The following NR3C1 variants were observed in gnomAD, a reference collection of about 807,000 sequenced individuals.
NR3C1 encodes nuclear receptor subfamily 3 group C member 1, also known as glucocorticoid receptor.
Under a neutral mutation model 74.0 loss-of-function variants are expected in NR3C1, and 14 were observed. The ratio of observed to expected loss-of-function variants is 0.19; its 90% CI spans 0.12 to 0.30. The LOEUF (loss-of-function observed/expected upper bound fraction) is 0.30. NR3C1 is among the 10% of genes least tolerant of loss of function. The pLI is 1.00. For missense variants in NR3C1, 695 were observed against 909.8 expected (o/e 0.76, Z 3.04); for synonymous variants, 308 against 332.5 (o/e 0.93, Z 0.80).
intron 2 of NR3C1, among the ~76,000 whole-genome samples, chr5:143,395,643 G>C (rs1236493062): frequency 6.6e-6 from 1 of 151,772 alleles, no homozygotes; most frequent in Non-Finnish European, 1.5e-5. Flanking sequence ...AGAACCCACT[G>C]CTCATTAAAA....
At chr5:143,419,538 G>C (rs1261309500) in intron 1 of NR3C1, among the ~76,000 whole-genome samples, 2 of 152,118 alleles carry the variant, frequency 1.3e-5, no homozygotes, top group Non-Finnish European at 2.9e-5. Flanking sequence ...TTAAAGCTGG[G>C]CGTCTGGGGG....
At chr5:143,282,324 A>G (rs258750) in intron 8 of NR3C1, among the ~76,000 whole-genome samples, 44,249 of 152,064 alleles carry the variant, frequency 0.29, 6,695 homozygotes, top group Non-Finnish European at 0.33. Flanking sequence ...TAAAAACAGT[A>G]TTACTAAATT....
At chr5:143,433,460 A>ATATATAATTTATTTTTTTAAAT (rs1413693943) in intron 1 of NR3C1, among the ~76,000 whole-genome samples, 3 of 145,998 alleles carry the variant, frequency 2.1e-5, no homozygotes, top group African/African-American at 5.0e-5. Flanking sequence ...AATTATATAT[A>ATATATAATTTATTTTTTTAAAT]TATATATATA....
chr5:143,324,760 G>A (rs190052511), intron 2 of NR3C1, among the ~76,000 whole-genome samples: 52 of 152,224 alleles, frequency 3.4e-4, no homozygotes, highest in Middle Eastern at 3.4e-3. Context: ...TAACAGCACC[G>A]AAGTCACCTT....
intron 3 of NR3C1, among the ~76,000 whole-genome samples, chr5:143,313,384 A>C (rs1279919984): frequency 1.3e-5 from 2 of 152,106 alleles, no homozygotes; most frequent in East Asian, 3.9e-4. Context: ...ACCTTTCCTG[A>C]CCTCCTCAGG....
At position 143,314,137 on chromosome 5, in the gene NR3C1, G is replaced by T; in HGVS notation, c.1216C>A (p.Pro406Thr). 6.2e-7 allele frequency: 1 copy of T among 1,613,782 alleles called. No homozygotes were observed. The highest frequency in any genetic ancestry group is 1.3e-5 in the African/African-American group (1 of 75,012). The change falls in exon 3 of 9, where the codon CCA (proline) becomes ACA (threonine). Residue 406 changes from proline to threonine, a missense_variant. Pro to Thr is a conservative substitution (Grantham distance 38, BLOSUM62 -1). Around this residue, in one of 4 missense-constraint regions of NR3C1, gnomAD observed 497 missense variants for 489.5 expected, o/e 1.02. Transcript: ENST00000394464. Reference protein sequence around the residue: ...PSMRPDVSSPPSSSSTATTGP... With the variant: ...PSMRPDVSSPTSSSSTATTGP... ...GTTGTTGCTGTTGAGGAGCTGGATG[G>T]AGGAGAGCTTACATCTGGTCTCATG...
chr5:143,389,367 C>A (rs1439345952), intron 2 of NR3C1, among the ~76,000 whole-genome samples: 1 of 152,166 alleles, frequency 6.6e-6, no homozygotes, highest in Non-Finnish European at 1.5e-5. Context: ...CTTTGTAGTT[C>A]TTTAGTTCTT....
At chr5:143,284,903 C>G (rs1467213271) in intron 7 of NR3C1, among the ~76,000 whole-genome samples, 1 of 152,026 alleles carries the variant, frequency 6.6e-6, no homozygotes, top group Non-Finnish European at 1.5e-5. Context: ...AGCAATCTTG[C>G]TGGGTTGAGG....
intron 2 of NR3C1, among the ~76,000 whole-genome samples, chr5:143,371,059 T>C (rs1276394507): frequency 6.6e-6 from 1 of 152,134 alleles, no homozygotes; most frequent in Non-Finnish European, 1.5e-5. Context: ...TCTATGTGTC[T>C]TTCTTTGATA....
chr5:143,395,894 C>T (rs1839092292), intron 2 of NR3C1, among the ~76,000 whole-genome samples: 2 of 151,774 alleles, frequency 1.3e-5, no homozygotes, highest in African/African-American at 4.8e-5. Flanking sequence ...CTCAAAAGGC[C>T]CCTAAAGTGA....
chr5:143,421,018 CT>C (rs752032055), intron 1 of NR3C1, among the ~76,000 whole-genome samples: 1 of 152,090 alleles, frequency 6.6e-6, no homozygotes, highest in Non-Finnish European at 1.5e-5. Context: ...ACAAATTCTT[CT>C]TTTTTTATGT....
chr5:143,428,344 A>G (rs1272761288), intron 1 of NR3C1, among the ~76,000 whole-genome samples: 1 of 152,242 alleles, frequency 6.6e-6, no homozygotes, highest in Non-Finnish European at 1.5e-5. Context: ...TGGTGAGTGA[A>G]TGTTGAAATA....
intron 1 of NR3C1, among the ~76,000 whole-genome samples, chr5:143,414,551 C>T (rs1391588241): frequency 6.6e-6 from 1 of 152,106 alleles, no homozygotes; most frequent in East Asian, 1.9e-4. Context: ...TTTCTTGATC[C>T]TGATTTTCAT....
intron 2 of NR3C1, among the ~76,000 whole-genome samples, chr5:143,381,316 C>T (rs567559984): frequency 6.6e-6 from 1 of 152,128 alleles, no homozygotes; most frequent in South Asian, 2.1e-4. Context: ...GAAAGATAGT[C>T]CATGCTCATG....
Position 143,332,876 on chromosome 5 carries a change from G to A in NR3C1, c.1185-18708C>T. On this transcript the variant is annotated intron_variant, in intron 2 of 8. Transcript: ENST00000394464. ...GTATCTTTGTAAAAGTTACCCCCTA[G>A]AATCTAAAAATGCTGCATATAGTGG... The A allele has an allele frequency of 2.0e-6, 3 of 1,482,244 alleles. No individual in the cohort carries two copies. The South Asian group carries it at 3.4e-5, about 17-fold the overall frequency. The allele number at this position is 1,482,244 out of a possible 1,614,324, so 91.8% of individuals were successfully genotyped here.
chr5:143,405,357 G>A (rs1263491959), upstream of NR3C1: 1 of 985,648 alleles, frequency 1.0e-6, no homozygotes, highest in Non-Finnish European at 1.2e-6. Flanking sequence ...CAGACTGACG[G>A]CGGCTCCCCC....
intron 2 of NR3C1, chr5:143,332,834 A>G (rs1826282044): frequency 4.1e-6 from 6 of 1,476,046 alleles, no homozygotes; most frequent in African/African-American, 1.4e-5. Context: ...GACTTCGCCT[A>G]AAGAAAATTT....
At chr5:143,391,216 C>A (rs1464980403) in intron 2 of NR3C1, among the ~76,000 whole-genome samples, 2 of 152,146 alleles carry the variant, frequency 1.3e-5, no homozygotes, top group Admixed American at 6.5e-5. Flanking sequence ...ATTTAAACTG[C>A]CGTTTAATAA....
intron 2 of NR3C1, among the ~76,000 whole-genome samples, chr5:143,350,183 C>T (rs1007744852): frequency 7.2e-5 from 11 of 152,096 alleles, no homozygotes; most frequent in Non-Finnish European, 2.9e-5. Flanking sequence ...AAAGAGGGGA[C>T]TAATCTGATC....
Sources: gnomAD v4.1 joint callset for allele counts (sites outside exome capture counted in the v4.1 genomes callset) on GRCh38, gnomAD v4.1.1 for gene constraint, gnomAD v4.1.1 regional missense constraint, MANE v1.5 for transcripts, NCBI Gene and HGNC (gene_info 2026-07-23, HGNC 2026-07-21) for gene names.